RNF213: variants seen among roughly 807,000 people sequenced by gnomAD.
RNF213 encodes E3 ubiquitin-protein ligase RNF213.
RNF213 carries 341 observed loss-of-function variants against 514.4 expected under a neutral mutation model. The ratio of observed to expected loss-of-function variants is 0.66; its 90% CI spans 0.61 to 0.73. RNF213 has a LOEUF of 0.73. Ranked by LOEUF, RNF213 falls within the 30% of genes least tolerant of loss-of-function variation. RNF213 has a pLI of 0.00. For synonymous variants in RNF213, 2,655 were observed against 2,658.2 expected, an observed-to-expected ratio of 1.00 and a Z score of 0.04; for missense variants, 5,767 against 6,615.6, an observed-to-expected ratio of 0.87 and a Z score of 4.45.
intron 15 of RNF213, among the ~76,000 whole-genome samples, chr17:80,314,398 A>T (rs1457251939): frequency 1.7e-3 from 2 of 1,148 alleles, no homozygotes; most frequent in Admixed American, 4.8e-3. Context: ...GAGGTAATGG[A>T]GGTGGTGGTG....
At chr17:80,362,022 G>C (rs1227558643) in intron 39 of RNF213, 134 bp downstream of exon 39, 1 of 994,594 alleles carries the variant, frequency 1.0e-6, no homozygotes, top group Non-Finnish European at 1.5e-6. Flanking sequence ...GGTCAGCGAA[G>C]GGTGCCGGTG....
chr17:80,286,682 A>T (rs1202657104), intron 3 of RNF213, among the ~76,000 whole-genome samples: 1 of 151,928 alleles, frequency 6.6e-6, no homozygotes, highest in East Asian at 1.9e-4. Flanking sequence ...TGGGTGCAGG[A>T]GGTGGGGGGC....
chr17:80,354,964 G>A (rs1191138111), intron 36 of RNF213: 1 of 359,212 alleles, frequency 2.8e-6, no homozygotes, highest in Non-Finnish European at 5.4e-6. Context: ...CAGTCCTGCT[G>A]TTTGAAGAAT....
At chr17:80,370,862 T>C (rs2079491419) in intron 46 of RNF213, among the ~76,000 whole-genome samples, 1 of 152,216 alleles carries the variant, frequency 6.6e-6, no homozygotes, top group Non-Finnish European at 1.5e-5. Flanking sequence ...GCCAAACAAC[T>C]GACAATGTTG....
In RNF213 at chr17:80,376,182, G is replaced by A. The variant is rs185689608; in HGVS notation, c.13186-119G>A. On this transcript the variant is annotated intron_variant, in intron 51 of 67. Coordinates refer to ENST00000582970, the MANE Select transcript of RNF213 (RefSeq NM_001256071.3). ...CTCTGAAAAATTTCCCCCTCAAATG[G>A]TGGTGATTTCTCCATATTTACCTTG... 3,134 of 1,229,986 alleles carry A rather than the reference G, an allele frequency of 2.5e-3. 20 individuals are homozygous for A. Among genetic ancestry groups the A allele is most frequent in the Non-Finnish European group, 2.6e-3 (2,222 of 846,814 alleles). 76.2% of individuals were successfully genotyped at this position (1,229,986 alleles called of 1,614,324 possible).
At chr17:80,378,080 G>A (rs553862468) in intron 54 of RNF213, among the ~76,000 whole-genome samples, 1 of 152,340 alleles carries the variant, frequency 6.6e-6, no homozygotes, top group East Asian at 1.9e-4. Flanking sequence ...CTGGATGCCA[G>A]GAGCACCCAC....
At position 80,343,175 on chromosome 17, in the gene RNF213, G is replaced by A. The variant is rs1054519189; in HGVS notation, c.6033G>A (p.Met2011Ile). 6.2e-7 allele frequency: 1 copy of A among 1,614,052 alleles called. No individual in the cohort carries two copies. The highest frequency in any genetic ancestry group is 1.3e-5 in the African/African-American group (1 of 75,032). ...AGAGGTTGCACGACAAAATGAAGATGCAGTTAAACGTGAAAAATGTGCCTC... is the reference window on the plus strand; with the variant it reads ...AGAGGTTGCACGACAAAATGAAGATACAGTTAAACGTGAAAAATGTGCCTC... ...YVKRLHDKMK[M>I]QLNVKNVPLK... Residue 2011 changes from methionine (M) to isoleucine (I), a missense_variant, in exon 27 of 68, where the codon ATG becomes ATA. Transcript: ENST00000582970. This position sits in a 1 kb window ranked among gnomAD's most constrained non-coding sequence, Gnocchi z 4.3.
intron 20 of RNF213, among the ~76,000 whole-genome samples, chr17:80,329,685 G>T (rs1260452022): frequency 6.6e-6 from 1 of 152,050 alleles, no homozygotes; most frequent in African/African-American, 2.4e-5. Flanking sequence ...AAAAAAATTA[G>T]CAAGACACGG....
At chr17:80,385,300 C>G in intron 60 of RNF213, 129 bp downstream of exon 60, 1 of 1,198,350 alleles carries the variant, frequency 8.3e-7, no homozygotes, top group Non-Finnish European at 1.2e-6. Context: ...TAAGCCCTTA[C>G]CATGCGGTGA....
In RNF213 at chr17:80,347,695, C is replaced by T. The variant is rs142096377; in HGVS notation, c.9360C>T (p.Tyr3120=). 1.4e-5 allele frequency: 22 copies of T among 1,613,896 alleles called. No homozygotes were observed. Among genetic ancestry groups the T allele is most frequent in the African/African-American group, 2.7e-5 (2 of 74,940 alleles). ...ESLYDALNQY[Y]VHLGGQKYVD... is the part of the protein sequence containing the mutation. ...TCTACGACGCACTCAACCAGTACTA[C>T]GTCCACCTCGGCGGCCAGAAGTACG... Residue 3120 remains tyrosine (Y), a synonymous_variant, in exon 29 of 68, where the codon TAC becomes TAT. Coordinates refer to ENST00000582970, the MANE Select transcript of RNF213 (RefSeq NM_001256071.3). This position sits in a 1 kb window ranked among gnomAD's most constrained non-coding sequence, Gnocchi z 7.2.
intron 17 of RNF213, chr17:80,320,467 C>T (rs1451039140): frequency 1.3e-5 from 2 of 152,184 alleles, no homozygotes; most frequent in African/African-American, 4.8e-5. Context: ...ATTCTCCTGC[C>T]TCAGCCTCCC....
At chr17:80,382,372 G>A (rs2080047909) in intron 57 of RNF213, 1 of 157,322 alleles carries the variant, frequency 6.4e-6, no homozygotes, top group Middle Eastern at 6.4e-4. Flanking sequence ...TGACCATTGT[G>A]AGGACAATGT....
chr17:80,325,509 A>C (rs2046256330), intron 18 of RNF213, among the ~76,000 whole-genome samples: 2 of 152,192 alleles, frequency 1.3e-5, no homozygotes, highest in Non-Finnish European at 2.9e-5. Flanking sequence ...TTTTCAGATC[A>C]GGAAACAAAT....
In RNF213 at chr17:80,381,421, G is replaced by A. The variant is rs145365075; in HGVS notation, c.13798-126G>A. 1.8e-4 allele frequency: 182 copies of A among 1,008,064 alleles called. 1 individual carries two copies. In the African/African-American group the frequency reaches 2.3e-3, roughly 13 times the overall value. 62.4% of individuals were successfully genotyped at this position (1,008,064 alleles called of 1,614,324 possible). The stretch of plus-strand genomic sequence containing the variant: ...TTCCTTTCACCTGGATCACTCCGCC[G>A]TTTTCATCTTAGAAACCGCCTTCCG... On this transcript the variant is annotated intron_variant, in intron 56 of 67. Coordinates refer to ENST00000582970, the MANE Select transcript of RNF213 (RefSeq NM_001256071.3).
Position 80,273,215 on chromosome 17 carries a change from G to A in RNF213, c.98-26G>A, listed in dbSNP as rs767744963. On this transcript the variant is annotated intron_variant, in intron 2 of 67. Transcript: ENST00000582970. ...TAACACTCGCTTCTCTCTGAGATCT[G>A]ACCCTTCCTTCATCTGCCGTTACAG... is the stretch of plus-strand genomic sequence containing the variant. 8.7e-6 allele frequency: 14 copies of A among 1,612,908 alleles called. No individual in the cohort carries two copies. The South Asian group carries it at 1.3e-4, about 15-fold the overall frequency.
rs1216804411 is a variant in RNF213, at chr17:80,337,594, C to T, written c.4536C>T (p.Ser1512=). ...TCCTTTTGTCCCCATAGTGTGACTC[C>T]GCCAGGAACTTGGAATGGCTGAAGA... ...DQYLPRKLCD[S]ARNLEWLKTV... is the part of the protein sequence containing the mutation. Residue 1512 remains serine (S), a synonymous_variant, in exon 24 of 68, where the codon TCC becomes TCT. Transcript: ENST00000582970. The T allele has an allele frequency of 2.0e-5, 31 of 1,537,134 alleles. No individual in the cohort carries two copies. The highest frequency in any genetic ancestry group is 2.5e-5 in the Non-Finnish European group (29 of 1,146,914).
chr17:80,322,080 A>G (rs1417575576), intron 17 of RNF213, among the ~76,000 whole-genome samples: 1 of 150,366 alleles, frequency 6.7e-6, no homozygotes, highest in Non-Finnish European at 1.5e-5. Context: ...GCATCTTTTC[A>G]TATGCTTATT....
Position 80,263,442 on chromosome 17 carries a change from G to T in RNF213, c.-108-132G>T. 2.1e-6 allele frequency: 1 copy of T among 487,590 alleles called. No individual in the cohort carries two copies. The highest frequency in any genetic ancestry group is 3.8e-6 in the Non-Finnish European group (1 of 262,740). The allele number at this position is 487,590 out of a possible 1,614,324, so 30.2% of individuals were successfully genotyped here. On this transcript the variant is annotated intron_variant, in intron 1 of 67. Transcript: ENST00000582970. The surrounding 1 kb of genome is among the most constrained non-coding windows in gnomAD (Gnocchi z 4.9). Reference sequence around the variant, plus strand: ...TCTAGGCTGGCTGAATGAGGGACCAGGGCAGAGACTGCAAAAGCTTGAGAG... The same window carrying T: ...TCTAGGCTGGCTGAATGAGGGACCATGGCAGAGACTGCAAAAGCTTGAGAG...
At chr17:80,355,448 TCACGGAGGAAGAGGGG>T (rs1423234513) in intron 36 of RNF213, among the ~76,000 whole-genome samples, 29 of 75,278 alleles carry the variant, frequency 3.9e-4, no homozygotes, top group Non-Finnish European at 4.3e-4. Context: ...GAATCGGGGC[TCACGGAGGAAGAGGGG>T]TGACCGGGAA....
Sources: allele counts gnomAD v4.1 joint callset (sites outside exome capture counted in the v4.1 genomes callset), GRCh38; gene constraint gnomAD v4.1.1; non-coding constraint Gnocchi (gnomAD v3.1); transcripts MANE v1.5; gene names NCBI Gene and HGNC (gene_info 2026-07-23, HGNC 2026-07-21).